The following SLC6A6 variants were observed in gnomAD, a reference collection of about 807,000 sequenced individuals.
SLC6A6 encodes the protein solute carrier family 6 member 6.
Under a neutral mutation model 68.8 loss-of-function variants are expected in SLC6A6, and 16 were observed. That is an observed-to-expected ratio of 0.23 (90% CI 0.16 to 0.35). SLC6A6 has a LOEUF of 0.35. SLC6A6 is among the 10% of genes least tolerant of loss of function. SLC6A6 has a pLI of 1.00. For missense variants in SLC6A6, 474 were observed against 802.8 expected (o/e 0.59, Z 4.95); for synonymous variants, 312 against 315.4 (o/e 0.99, Z 0.12).
At chr3:14,466,376 G>C in intron 6 of SLC6A6, 140 bp from the exon 7 acceptor site, 1 of 879,088 alleles carries the variant, frequency 1.1e-6, no homozygotes, top group Non-Finnish European at 1.7e-6. Flanking sequence ...GCCAAAGGCC[G>C]CACAGCAAGT....
In SLC6A6 at chr3:14,447,817, G is replaced by C; in HGVS notation, c.599+1G>C. On this transcript the variant is annotated splice_donor_variant, in intron 5 of 14. Transcript: ENST00000622186. LOFTEE classifies it high-confidence loss of function. ...CCTCCCCTGTCATCGAGTTCTGGGA[G>C]TAAGGCCACCTCATTGAAGCAAGGA... The C allele has an allele frequency of 6.2e-7, 1 of 1,614,184 alleles. No homozygotes were observed. Among genetic ancestry groups the C allele is most frequent in the Non-Finnish European group, 8.5e-7 (1 of 1,180,028 alleles).
intron 6 of SLC6A6, among the ~76,000 whole-genome samples, chr3:14,463,649 G>A (rs888857371): frequency 7.9e-5 from 12 of 152,360 alleles, no homozygotes; most frequent in African/African-American, 2.6e-4. Context: ...GGAAGGGAGA[G>A]GCAGGTTGGT....
rs375716631 is a variant in SLC6A6, at chr3:14,468,816, G to A, written c.1096+604G>A. ...GGTTGTAAGCACAGTGTCGCCCCTCGGGGTGTGGGCCCTGTTGACCAGGCA... is the reference window on the plus strand; with the variant it reads ...GGTTGTAAGCACAGTGTCGCCCCTCAGGGTGTGGGCCCTGTTGACCAGGCA... On this transcript the variant is annotated intron_variant, in intron 9 of 14. Coordinates refer to ENST00000622186, the MANE Select transcript of SLC6A6 (RefSeq NM_003043.6). This position sits in a 1 kb window ranked among gnomAD's most constrained non-coding sequence, Gnocchi z 4.5. Among the ~76,000 whole-genome samples, 81 of 152,260 alleles carry A rather than the reference G, an allele frequency of 5.3e-4. 1 individual carries two copies. In the East Asian group the frequency reaches 0.011, roughly 20 times the overall value.
At chr3:14,465,385 A>G (rs970617831) in intron 6 of SLC6A6, among the ~76,000 whole-genome samples, 20 of 152,328 alleles carry the variant, frequency 1.3e-4, no homozygotes, top group African/African-American at 4.8e-4. Flanking sequence ...GGCCCGGTGA[A>G]GCGGGGAGCC....
intron 7 of SLC6A6, among the ~76,000 whole-genome samples, 180 bp downstream of exon 7, chr3:14,466,830 C>T (rs1192804548): frequency 2.0e-5 from 3 of 152,222 alleles, no homozygotes; most frequent in East Asian, 1.9e-4. Flanking sequence ...TGCCTGTCCA[C>T]GGTGCTGATG....
At chr3:14,478,605 C>T (rs1463913939) in intron 12 of SLC6A6, 37 bp downstream of exon 12, 7 of 1,256,424 alleles carry the variant, frequency 5.6e-6, no homozygotes, top group South Asian at 1.2e-5. Context: ...TCTCAAGGCT[C>T]TCCTTTGGGC....
rs2304509 is a variant in SLC6A6, at chr3:14,481,989, C to G, written c.1722+148C>G. The G allele has an allele frequency of 0.26, 167,064 of 642,674 alleles. 26,683 individuals carry two copies. Among genetic ancestry groups the G allele is most frequent in the African/African-American group, 0.52 (28,135 of 54,462 alleles). The allele number at this position is 642,674 out of a possible 1,614,324, so 39.8% of individuals were successfully genotyped here. ...ATCCAGTGGTTCAGCTTATGGGCAG[C>G]AGAGTGCATTGTGGGAAGACGGGAA... On this transcript the variant is annotated intron_variant, in intron 14 of 14. Coordinates refer to ENST00000622186, the MANE Select transcript of SLC6A6 (RefSeq NM_003043.6). The surrounding 1 kb of genome is among the most constrained non-coding windows in gnomAD (Gnocchi z 4.7).
At chr3:14,412,803 C>T (rs767496357) in intron 1 of SLC6A6, among the ~76,000 whole-genome samples, 7 of 152,228 alleles carry the variant, frequency 4.6e-5, no homozygotes, top group Admixed American at 6.5e-5. Context: ...TCCTGTGCTT[C>T]GTCAACTCCT....
intron 2 of SLC6A6, among the ~76,000 whole-genome samples, chr3:14,433,203 G>A (rs1285723667): frequency 1.3e-5 from 2 of 152,100 alleles, no homozygotes; most frequent in Admixed American, 1.3e-4. Flanking sequence ...GTTCCCTCCC[G>A]CCACCTCCCC....
At position 14,472,856 on chromosome 3, in the gene SLC6A6, C is replaced by T. The variant is rs958742500; in HGVS notation, c.1209+539C>T. Among the ~76,000 whole-genome samples, 5 of 152,226 alleles carry T rather than the reference C, an allele frequency of 3.3e-5. No individual in the cohort carries two copies. Among genetic ancestry groups the T allele is most frequent in the Non-Finnish European group, 5.9e-5 (4 of 68,036 alleles). ...ACTCAGGATTCTGTGCTCCCTGGAG[C>T]GTGCGAGGGGCTGGGCATTGGCTCC... On this transcript the variant is annotated intron_variant, in intron 10 of 14. Transcript: ENST00000622186. This position sits in a 1 kb window ranked among gnomAD's most constrained non-coding sequence, Gnocchi z 4.5.
intron 5 of SLC6A6, among the ~76,000 whole-genome samples, chr3:14,452,243 T>G (rs938609319): frequency 6.6e-6 from 1 of 152,174 alleles, no homozygotes; most frequent in African/African-American, 2.4e-5. Flanking sequence ...ACATCCCAGC[T>G]GCACGACCTT....
At position 14,478,646 on chromosome 3, in the gene SLC6A6, A is replaced by T. The variant is rs770247318; in HGVS notation, c.1450+78A>T. 9.1e-5 allele frequency: 82 copies of T among 897,246 alleles called. 1 individual carries two copies. The highest frequency in any genetic ancestry group is 1.5e-4 in the Non-Finnish European group (79 of 533,348). The allele number at this position is 897,246 out of a possible 1,614,324, so 55.6% of individuals were successfully genotyped here. On this transcript the variant is annotated intron_variant, in intron 12 of 14. Coordinates refer to ENST00000622186, the MANE Select transcript of SLC6A6 (RefSeq NM_003043.6). ...TACTTAGAAGCTTCAGAAGCAGAGA[A>T]TACTAACAGAAATTCAATTTGAGTT...
chr3:14,410,253 T>G (rs11710184), intron 1 of SLC6A6, among the ~76,000 whole-genome samples: 1 of 151,022 alleles, frequency 6.6e-6, no homozygotes, highest in Non-Finnish European at 1.5e-5. Context: ...GCACCCATCA[T>G]TCATTGCTTG....
intron 1 of SLC6A6, among the ~76,000 whole-genome samples, chr3:14,411,734 AG>A (rs1421487251): frequency 1.3e-5 from 2 of 152,200 alleles, no homozygotes; most frequent in East Asian, 3.9e-4. Context: ...GAGTGGCTCC[AG>A]GCTTGGAAAT....
chr3:14,474,000 C>T (rs186030022), intron 10 of SLC6A6, among the ~76,000 whole-genome samples: 1 of 152,310 alleles, frequency 6.6e-6, no homozygotes, highest in Non-Finnish European at 1.5e-5. Context: ...CAGGGAGGCC[C>T]CGTGTCAGTG....
intron 9 of SLC6A6, among the ~76,000 whole-genome samples, chr3:14,470,786 T>G (rs1700734106): frequency 6.6e-6 from 1 of 152,200 alleles, no homozygotes; most frequent in African/African-American, 2.4e-5. Flanking sequence ...CACCGGGTCC[T>G]GGGGTCCATA....
intron 2 of SLC6A6, among the ~76,000 whole-genome samples, chr3:14,435,348 G>A (rs1026516495): frequency 4.6e-5 from 7 of 152,282 alleles, no homozygotes; most frequent in Middle Eastern, 3.4e-3. Context: ...AGCGGAGGTC[G>A]GGGGTCTCTG....
chr3:14,450,518 C>T lies in SLC6A6; in HGVS notation c.599+2702C>T, dbSNP rs1436839222. ...CTCCAGCTCTCACACCTCTCCTACC[C>T]CTGCACCCCTAGCCCCAGATTCCAG... On this transcript the variant is annotated intron_variant, in intron 5 of 14. Coordinates refer to ENST00000622186, the MANE Select transcript of SLC6A6 (RefSeq NM_003043.6). This position sits in a 1 kb window ranked among gnomAD's most constrained non-coding sequence, Gnocchi z 4.1. 2.6e-5 allele frequency among the ~76,000 whole-genome samples: 4 copies of T among 152,212 alleles called. No individual in the cohort carries two copies. Among genetic ancestry groups the T allele is most frequent in the African/African-American group, 7.2e-5 (3 of 41,458 alleles).
Position 14,481,598 on chromosome 3 carries a change from A to T in SLC6A6, c.1552-73A>T. Reference sequence around the variant, plus strand: ...GAGACCCTTCCCTCAGGTTGAGGCCAGTCCTAGTCCCAGAAGCCCCCCACC... The same window carrying T: ...GAGACCCTTCCCTCAGGTTGAGGCCTGTCCTAGTCCCAGAAGCCCCCCACC... On this transcript the variant is annotated intron_variant, in intron 13 of 14. Coordinates refer to ENST00000622186, the MANE Select transcript of SLC6A6 (RefSeq NM_003043.6). The surrounding 1 kb of genome is among the most constrained non-coding windows in gnomAD (Gnocchi z 4.7). The T allele has an allele frequency of 1.0e-6, 1 of 995,714 alleles. No homozygotes were observed. The allele number at this position is 995,714 out of a possible 1,614,324, so 61.7% of individuals were successfully genotyped here.
Sources: allele counts gnomAD v4.1 joint callset (sites outside exome capture counted in the v4.1 genomes callset), GRCh38; gene constraint gnomAD v4.1.1; non-coding constraint Gnocchi (gnomAD v3.1); transcripts MANE v1.5; gene names NCBI Gene and HGNC (gene_info 2026-07-23, HGNC 2026-07-21).